The following SEMA6D variants were observed in gnomAD, a reference collection of about 807,000 sequenced individuals.
SEMA6D encodes semaphorin 6D.
Under a neutral mutation model 106.6 loss-of-function variants are expected in SEMA6D, and 35 were observed. The observed-to-expected ratio is 0.33, with a 90% CI of 0.25 to 0.44. SEMA6D has a LOEUF of 0.44. Ranked by LOEUF, SEMA6D falls within the 20% of genes least tolerant of loss-of-function variation. SEMA6D has a pLI of 1.00. For synonymous variants in SEMA6D, 499 were observed against 487.7 expected (o/e 1.02, Z -0.31); for missense variants, 1,185 against 1,345.9 (o/e 0.88, Z 1.87).
intron 1 of SEMA6D, among the ~76,000 whole-genome samples, chr15:47,242,823 A>T (rs1249787618): frequency 6.6e-6 from 1 of 152,158 alleles, no homozygotes; most frequent in African/African-American, 2.4e-5. Flanking sequence ...AAGAGAATAC[A>T]TTACATTTTA....
chr15:47,302,662 T>G (rs1348361828), intron 1 of SEMA6D, among the ~76,000 whole-genome samples: 1 of 152,054 alleles, frequency 6.6e-6, no homozygotes, highest in African/African-American at 2.4e-5. Context: ...GAAGCAACGC[T>G]AGAGAGATAC....
At chr15:47,604,200 A>G (rs2076724500) in intron 4 of SEMA6D, 1 of 152,208 alleles carries the variant, frequency 6.6e-6, no homozygotes, top group African/African-American at 2.4e-5. Context: ...AAGGATAAAG[A>G]TCAAAAACCA....
intron 1 of SEMA6D, among the ~76,000 whole-genome samples, chr15:47,384,291 C>T (rs937382639): frequency 2.0e-5 from 3 of 152,194 alleles, no homozygotes; most frequent in Non-Finnish European, 4.4e-5. Flanking sequence ...ATATTTGCTG[C>T]ATTTCTAGCG....
intron 1 of SEMA6D, among the ~76,000 whole-genome samples, chr15:47,324,421 G>T (rs1439846451): frequency 6.6e-6 from 1 of 151,882 alleles, no homozygotes; most frequent in Admixed American, 6.6e-5. Context: ...AAGCATATCG[G>T]TTTCAAATAT....
intron 1 of SEMA6D, among the ~76,000 whole-genome samples, chr15:47,353,287 A>G (rs1029793123): frequency 1.3e-5 from 2 of 152,166 alleles, no homozygotes; most frequent in African/African-American, 4.8e-5. Flanking sequence ...TATTTAGAAG[A>G]CCACCCACTC....
intron 1 of SEMA6D, among the ~76,000 whole-genome samples, chr15:47,185,502 T>G (rs983534057): frequency 6.6e-6 from 1 of 152,178 alleles, no homozygotes; most frequent in East Asian, 1.9e-4. Flanking sequence ...TTTCGCCCCC[T>G]CCCTCCTTTT....
chr15:47,663,215 TAC>T (rs1435881301), intron 4 of SEMA6D, among the ~76,000 whole-genome samples: 2 of 152,200 alleles, frequency 1.3e-5, no homozygotes, highest in East Asian at 3.9e-4. Context: ...CCTTAAAGAT[TAC>T]ACAGATGCTA....
chr15:47,314,597 C>CAAAAAAAAAAAAAAA (rs764929520), intron 1 of SEMA6D, among the ~76,000 whole-genome samples: 469 of 24,044 alleles, frequency 0.02, 14 homozygotes, highest in Non-Finnish European at 0.036. Context: ...GACTCCATCT[C>CAAAAAAAAAAAAAAA]AAAAAAAAAA....
At chr15:47,358,328 CT>C (rs747500452) in intron 1 of SEMA6D, among the ~76,000 whole-genome samples, 1 of 148,432 alleles carries the variant, frequency 6.7e-6, no homozygotes, top group Non-Finnish European at 1.5e-5. Flanking sequence ...ATTTATTGGC[CT>C]TTTTTGTTCA....
At chr15:47,229,366 C>CTT (rs1205265037) in intron 1 of SEMA6D, among the ~76,000 whole-genome samples, 1 of 151,862 alleles carries the variant, frequency 6.6e-6, no homozygotes, top group Non-Finnish European at 1.5e-5. Flanking sequence ...GTGTGCTATG[C>CTT]TTTTAGGTCT....
chr15:47,384,753 T>C (rs1264822663), intron 1 of SEMA6D, among the ~76,000 whole-genome samples: 1 of 149,848 alleles, frequency 6.7e-6, no homozygotes, highest in East Asian at 2.0e-4. Flanking sequence ...CAAAACCATA[T>C]AGAGGAGTGT....
intron 4 of SEMA6D, among the ~76,000 whole-genome samples, chr15:47,620,715 C>CATAT (rs150260097): frequency 8.1e-5 from 12 of 148,770 alleles, no homozygotes; most frequent in African/African-American, 1.5e-4. Context: ...TATATACACA[C>CATAT]ATATATATAT....
intron 1 of SEMA6D, among the ~76,000 whole-genome samples, chr15:47,311,420 C>A (rs528150055): frequency 1.3e-5 from 2 of 152,062 alleles, no homozygotes; most frequent in Non-Finnish European, 2.9e-5. Flanking sequence ...TGAATATAAT[C>A]TACTTTGGAG....
chr15:47,649,458 A>T (rs1051132660), intron 4 of SEMA6D, among the ~76,000 whole-genome samples: 29 of 152,336 alleles, frequency 1.9e-4, no homozygotes, highest in Admixed American at 7.8e-4. Context: ...AGAAAAAAAA[A>T]GTACAAGCCA....
intron 1 of SEMA6D, among the ~76,000 whole-genome samples, chr15:47,206,960 TAAGAG>T (rs1391646408): frequency 6.6e-6 from 1 of 151,602 alleles, no homozygotes; most frequent in Non-Finnish European, 1.5e-5. Flanking sequence ...AAAAAACAAA[TAAGAG>T]AGAGAAAAAA....
In SEMA6D at chr15:47,766,680, A is replaced by G. The variant is rs937087186; in HGVS notation, c.1708+3A>G. ...AGCTCATCTAGGGGACTGCCATGGT[A>G]AGACAGAATCTTCCATTCCCACCTG... On this transcript the variant is annotated splice_donor_region_variant and intron_variant, in intron 16 of 18. Coordinates refer to ENST00000536845, the MANE Select transcript of SEMA6D (RefSeq NM_001358351.3). 4.1e-5 allele frequency: 66 copies of G among 1,596,298 alleles called. No homozygotes were observed. The highest frequency in any genetic ancestry group is 5.4e-5 in the Non-Finnish European group (63 of 1,164,640).
At chr15:47,494,736 A>T (rs1180432729) in intron 3 of SEMA6D, among the ~76,000 whole-genome samples, 6 of 92,862 alleles carry the variant, frequency 6.5e-5, no homozygotes, top group African/African-American at 2.1e-4. Context: ...GGAGAGTGGG[A>T]TGGAGATATA....
At chr15:47,741,487 C>T (rs1274727146) in intron 1 of SEMA6D, among the ~76,000 whole-genome samples, 2 of 152,192 alleles carry the variant, frequency 1.3e-5, no homozygotes, top group Admixed American at 6.5e-5. Context: ...GAGGCCGAGG[C>T]GGGCAGATCA....
intron 4 of SEMA6D, among the ~76,000 whole-genome samples, chr15:47,689,237 C>G (rs1373557297): frequency 6.6e-6 from 1 of 152,112 alleles, no homozygotes; most frequent in African/African-American, 2.4e-5. Context: ...TTTCAGTCAC[C>G]CCTTTGAATT....
Sources: gnomAD v4.1 joint callset for allele counts (sites outside exome capture counted in the v4.1 genomes callset) on GRCh38, gnomAD v4.1.1 for gene constraint, MANE v1.5 for transcripts, NCBI Gene and HGNC (gene_info 2026-07-23, HGNC 2026-07-21) for gene names.